The following PRKCA variants were observed in gnomAD, a reference collection of about 807,000 sequenced individuals.
The protein encoded by PRKCA is protein kinase C alpha, also known as protein kinase C alpha type.
Under a neutral mutation model 87.0 loss-of-function variants are expected in PRKCA, and 27 were observed. The ratio of observed to expected loss-of-function variants is 0.31; its 90% CI spans 0.23 to 0.43. The LOEUF is 0.43. Ranked by LOEUF, PRKCA falls within the 20% of genes least tolerant of loss-of-function variation. The pLI is 1.00. For missense variants in PRKCA, 518 were observed against 852.3 expected (o/e 0.61, Z 4.88); for synonymous variants, 329 against 311.1 (o/e 1.06, Z -0.61).
intron 2 of PRKCA, among the ~76,000 whole-genome samples, chr17:66,466,036 A>G (rs371089391): frequency 6.6e-6 from 1 of 152,180 alleles, no homozygotes; most frequent in East Asian, 1.9e-4. Flanking sequence ...AATCATTCTT[A>G]GTTCCATTAT....
intron 3 of PRKCA, among the ~76,000 whole-genome samples, chr17:66,577,817 A>G (rs1969287139): frequency 6.6e-6 from 1 of 152,054 alleles, no homozygotes; most frequent in South Asian, 2.1e-4. Flanking sequence ...AGAGAATGAC[A>G]CTGGAGTGAG....
intron 5 of PRKCA, chr17:66,676,342 T>G (rs1411233922): frequency 6.6e-6 from 1 of 152,216 alleles, no homozygotes; most frequent in Non-Finnish European, 1.5e-5. Flanking sequence ...CTTGAGATGC[T>G]CCTGAACTGA....
chr17:66,738,235 G>A (rs1214691232), intron 10 of PRKCA, among the ~76,000 whole-genome samples: 2 of 152,200 alleles, frequency 1.3e-5, no homozygotes, highest in African/African-American at 2.4e-5. Context: ...AGAGTCCCCT[G>A]TCCCATGTCC....
At chr17:66,670,344 G>A in intron 5 of PRKCA, among the ~76,000 whole-genome samples, 1 of 152,144 alleles carries the variant, frequency 6.6e-6, no homozygotes, top group East Asian at 1.9e-4. Flanking sequence ...ATTATGACAA[G>A]CATTAGAGAT....
intron 2 of PRKCA, among the ~76,000 whole-genome samples, chr17:66,360,806 C>T (rs1417996793): frequency 6.6e-6 from 1 of 152,154 alleles, no homozygotes; most frequent in Non-Finnish European, 1.5e-5. Flanking sequence ...GGTTCAGAAA[C>T]AATTGAGCGG....
At chr17:66,718,470 G>C (rs939811939) in intron 8 of PRKCA, among the ~76,000 whole-genome samples, 4 of 152,136 alleles carry the variant, frequency 2.6e-5, no homozygotes, top group Non-Finnish European at 5.9e-5. Context: ...ACGCCACTGT[G>C]CCTGGCTAAT....
chr17:66,340,380 C>CCTTT (rs1555585937), intron 2 of PRKCA, among the ~76,000 whole-genome samples: 1 of 127,876 alleles, frequency 7.8e-6, no homozygotes, highest in Admixed American at 7.7e-5. Context: ...TTTTTTTTTT[C>CCTTT]TTTTTTTTTT....
At chr17:66,711,315 A>G (rs1421144765) in intron 8 of PRKCA, among the ~76,000 whole-genome samples, 2 of 152,344 alleles carry the variant, frequency 1.3e-5, no homozygotes, top group East Asian at 3.9e-4. Flanking sequence ...GAGTGTGTTC[A>G]TATGGATGAT....
At chr17:66,345,822 A>G (rs975590115) in intron 2 of PRKCA, among the ~76,000 whole-genome samples, 6 of 152,218 alleles carry the variant, frequency 3.9e-5, no homozygotes, top group African/African-American at 1.4e-4. Context: ...AAAACATTTG[A>G]AAATGGAATT....
chr17:66,653,799 A>AAAAAC (rs1453346730), intron 5 of PRKCA, among the ~76,000 whole-genome samples: 1 of 133,110 alleles, frequency 7.5e-6, no homozygotes, highest in African/African-American at 2.6e-5. Context: ...CTTAAAAAAA[A>AAAAAC]AAAAAAAAAA....
At chr17:66,395,194 C>T (rs1910593877) in intron 2 of PRKCA, among the ~76,000 whole-genome samples, 2 of 151,984 alleles carry the variant, frequency 1.3e-5, no homozygotes, top group Non-Finnish European at 1.5e-5. Flanking sequence ...CCAACAGGAC[C>T]GTTTCAGATG....
chr17:66,616,556 G>A (rs1050013939), intron 3 of PRKCA, among the ~76,000 whole-genome samples: 1 of 152,198 alleles, frequency 6.6e-6, no homozygotes, highest in Admixed American at 6.5e-5. Context: ...AGTAAGGCAC[G>A]AGGGCAAGTT....
At chr17:66,694,834 C>T (rs1280504683) in intron 8 of PRKCA, among the ~76,000 whole-genome samples, 2 of 150,208 alleles carry the variant, frequency 1.3e-5, no homozygotes, top group African/African-American at 2.4e-5. Context: ...AGACAGTTCC[C>T]GAAGTTCTTA....
chr17:66,725,550 C>A (rs1389992290), intron 8 of PRKCA, among the ~76,000 whole-genome samples: 1 of 151,938 alleles, frequency 6.6e-6, no homozygotes, highest in East Asian at 1.9e-4. Flanking sequence ...GTGGCTCACA[C>A]CTATAATCCC....
intron 2 of PRKCA, among the ~76,000 whole-genome samples, chr17:66,488,366 G>A (rs1187627123): frequency 6.6e-6 from 1 of 152,166 alleles, no homozygotes; most frequent in Non-Finnish European, 1.5e-5. Context: ...CAGTCTGAAG[G>A]TGATAGCCTT....
At chr17:66,487,614 T>C (rs1297513668) in intron 2 of PRKCA, among the ~76,000 whole-genome samples, 4 of 152,218 alleles carry the variant, frequency 2.6e-5, no homozygotes, top group Non-Finnish European at 5.9e-5. Context: ...CTGTAGTGGC[T>C]CTACCACTTT....
At chr17:66,422,809 C>G (rs1285281310) in intron 2 of PRKCA, among the ~76,000 whole-genome samples, 1 of 152,144 alleles carries the variant, frequency 6.6e-6, no homozygotes, top group East Asian at 1.9e-4. Flanking sequence ...GTGCTCTCAC[C>G]TCATTAAAGC....
At chr17:66,560,998 C>T (rs566725171) in intron 3 of PRKCA, among the ~76,000 whole-genome samples, 2 of 152,266 alleles carry the variant, frequency 1.3e-5, no homozygotes, top group African/African-American at 2.4e-5. Context: ...TGGAACCTTT[C>T]CATTTAAATA....
rs747457529 is a variant in PRKCA at position 66,742,767 on chromosome 17, A to C, written c.1524+7A>C. On this transcript the variant is annotated splice_region_variant and intron_variant, in intron 13 of 16. Coordinates refer to ENST00000413366, the MANE Select transcript of PRKCA (RefSeq NM_002737.3). ...AGATTATATCGCCCCAGAGGTAGGAACCCCAGTGATCGTTTTCTCAACCAG... is the reference window on the plus strand; with the variant it reads ...AGATTATATCGCCCCAGAGGTAGGACCCCCAGTGATCGTTTTCTCAACCAG... 3.4e-5 allele frequency: 55 copies of C among 1,612,666 alleles called. 1 individual carries two copies. Among genetic ancestry groups the C allele is most frequent in the African/African-American group, 1.3e-5 (1 of 74,884 alleles).
Sources: gnomAD v4.1 joint callset for allele counts (sites outside exome capture counted in the v4.1 genomes callset) on GRCh38, gnomAD v4.1.1 for gene constraint, MANE v1.5 for transcripts, NCBI Gene and HGNC (gene_info 2026-07-23, HGNC 2026-07-21) for gene names.